Variants in CCT7 observed in about 807,000 individuals in gnomAD.
CCT7 encodes chaperonin containing TCP1 subunit 7.
A neutral mutation model predicts 56.6 loss-of-function variants in CCT7; 16 were observed. The observed-to-expected ratio is 0.28, with a 90% confidence interval of 0.19 to 0.43. The LOEUF (loss-of-function observed/expected upper bound fraction) is 0.43. CCT7 is among the 20% of genes least tolerant of loss of function. The pLI is 1.00. For missense variants in CCT7, 519 were observed against 685.6 expected, an observed-to-expected ratio of 0.76 and a Z score of 2.71; for synonymous variants, 262 against 254.8, an observed-to-expected ratio of 1.03 and a Z score of -0.27.
intron 8 of CCT7, 60 bp downstream of exon 8, chr2:73,249,239 C>A: frequency 7.4e-7 from 1 of 1,357,484 alleles, no homozygotes; most frequent in Non-Finnish European, 1.0e-6. Context: ...TTTTCACTGA[C>A]CCCTGGTATA....
chr2:73,243,960 T>C, intron 4 of CCT7, 37 bp from the exon 5 acceptor site: 1 of 1,605,126 alleles, frequency 6.2e-7, no homozygotes. Context: ...AGTTTGTCTT[T>C]AGCATGAGAG....
At chr2:73,247,991 T>A in intron 7 of CCT7, 65 bp downstream of exon 7, 2 of 1,432,820 alleles carry the variant, frequency 1.4e-6, no homozygotes, top group Non-Finnish European at 2.0e-6. Context: ...GAGCCCTGGG[T>A]CTTCATGGCT....
In CCT7 at chr2:73,252,847, G is replaced by C; in HGVS notation, c.1618G>C (p.Gly540Arg). The C allele has an allele frequency of 6.2e-7, 1 of 1,613,546 alleles. No individual in the cohort carries two copies. The highest frequency in any genetic ancestry group is 1.3e-5 in the African/African-American group (1 of 75,042). ...PTAAGRGRGRGRPH is the reference protein window; with the variant it reads ...PTAAGRGRGRRRPH ...AGCAGCAGGCCGGGGCCGTGGTCGT[G>C]GCCGCCCCCACTGAGAGGCACCCCA... Residue 540 changes from glycine to arginine, a missense_variant, in exon 12 of 12, where the codon GGC becomes CGC. By Grantham distance (125) the Gly-to-Arg change is moderately radical (BLOSUM62 -2). Transcript: ENST00000258091.
At chr2:73,251,473 T>TG in intron 11 of CCT7, 41 bp downstream of exon 11, 18 of 449,628 alleles carry the variant, frequency 4.0e-5, no homozygotes, top group Non-Finnish European at 6.7e-5. Flanking sequence ...TTTGGGCGGG[T>TG]GGGGCTAGAT....
At chr2:73,235,675 C>A in intron 1 of CCT7, 1 of 397,398 alleles carries the variant, frequency 2.5e-6, no homozygotes, top group Non-Finnish European at 3.6e-6. Context: ...CACTTACTAG[C>A]TGTGTGACTT....
At chr2:73,234,419 T>G (rs754792564) in intron 1 of CCT7, 35 bp downstream of exon 1, 108 of 1,612,222 alleles carry the variant, frequency 6.7e-5, no homozygotes, top group Non-Finnish European at 9.2e-5. Context: ...CGCCATCAGC[T>G]GCCATCTGGC....
Position 73,240,461 on chromosome 2 carries a change from G to C in CCT7, c.185G>C (p.Gly62Ala). The change falls in exon 3 of 12, where the codon GGG becomes GCG. Residue 62 changes from glycine to alanine, a missense_variant. Coordinates refer to ENST00000258091, the MANE Select transcript of CCT7 (RefSeq NM_006429.4). ...GGCAAAGCAACAATTTCTAATGATG[G>C]GGCCACAATTCTGAAACTTCTTGAT... ...GRGKATISNDGATILKLLDVV... is the reference protein window; with the variant it reads ...GRGKATISNDAATILKLLDVV... The C allele has an allele frequency of 6.2e-7, 1 of 1,611,558 alleles. No homozygotes were observed. Among genetic ancestry groups the C allele is most frequent in the Non-Finnish European group, 8.5e-7 (1 of 1,178,744 alleles).
rs577700808 is a variant in CCT7 at position 73,234,328 on chromosome 2, C to T, written c.-51C>T. On this transcript the variant is annotated 5_prime_UTR_variant, in exon 1 of 12. Coordinates refer to ENST00000258091, the MANE Select transcript of CCT7 (RefSeq NM_006429.4). ...GAGGCATTGTGGGTTGCTGGGCGGCCCGGTCTCGGAGAAGAGGGGAGAGTG... is the reference window on the plus strand; with the variant it reads ...GAGGCATTGTGGGTTGCTGGGCGGCTCGGTCTCGGAGAAGAGGGGAGAGTG... 2.5e-6 allele frequency: 4 copies of T among 1,612,842 alleles called. No individual in the cohort carries two copies. Among genetic ancestry groups the T allele is most frequent in the South Asian group, 2.2e-5 (2 of 91,058 alleles).
intron 7 of CCT7, 105 bp downstream of exon 7, chr2:73,248,031 CT>C (rs1687419471): frequency 6.1e-6 from 6 of 979,338 alleles, no homozygotes; most frequent in Non-Finnish European, 7.7e-6. Flanking sequence ...TCCTGCCCCC[CT>C]GAATATTGAT....
chr2:73,240,388 AGACAGCATTTAAGAAAG>A, intron 2 of CCT7, 32 bp from the exon 3 acceptor site: 1 of 1,423,734 alleles, frequency 7.0e-7, no homozygotes, highest in Non-Finnish European at 9.9e-7. Flanking sequence ...TCCCACTTGA[AGACAGCATTTAAGAAAG>A]GGGCTTTAGA....
intron 1 of CCT7, 72 bp from the exon 2 acceptor site, chr2:73,239,570 AT>A (rs550366649): frequency 3.6e-6 from 5 of 1,392,492 alleles, no homozygotes; most frequent in Non-Finnish European, 4.0e-6. Context: ...AGATGGGAGC[AT>A]TTTCCCCTTT....
At chr2:73,249,536 G>T (rs1687482510) in intron 8 of CCT7, among the ~76,000 whole-genome samples, 1 of 152,180 alleles carries the variant, frequency 6.6e-6, no homozygotes, top group Non-Finnish European at 1.5e-5. Flanking sequence ...TTCAGTTGCT[G>T]GACCCAGTGC....
Position 73,252,842 on chromosome 2 carries a change from G to A in CCT7, c.1613G>A (p.Gly538Asp), listed in dbSNP as rs763738049. The A allele has an allele frequency of 1.6e-5, 26 of 1,613,676 alleles. No homozygotes were observed. The African/African-American group carries it at 2.8e-4, about 17-fold the overall frequency. Residue 538 changes from glycine to aspartate, a missense_variant, in exon 12 of 12, where the codon GGT (glycine) becomes GAT (aspartate). Transcript: ENST00000258091. ...CCCACAGCAGCAGGCCGGGGCCGTG[G>A]TCGTGGCCGCCCCCACTGAGAGGCA... ...DAPTAAGRGR[G>D]RGRPH is the part of the protein sequence containing the mutation.
Position 73,244,057 on chromosome 2 carries a change from TG to T in CCT7, c.446+9del, listed in dbSNP as rs1289196962. 3 of 1,590,458 alleles carry T rather than the reference TG, an allele frequency of 1.9e-6. No homozygotes were observed. The highest frequency in any genetic ancestry group is 2.6e-6 in the Non-Finnish European group (3 of 1,171,646). On this transcript the variant is annotated intron_variant, in intron 5 of 11. Transcript: ENST00000258091. ...GAAGAAGGCAGATAAAGTGTAAGTC[TG>T]TAGTGGGTTTTTTTTTTTTTTTTTA...
chr2:73,250,269 A>G, intron 9 of CCT7, 37 bp from the exon 10 acceptor site: 1 of 1,612,442 alleles, frequency 6.2e-7, no homozygotes, highest in Non-Finnish European at 8.5e-7. Flanking sequence ...GGTGGCAGAC[A>G]AGAGTTCATG....
chr2:73,251,095 C>T (rs1274161940), intron 10 of CCT7, 131 bp from the exon 11 acceptor site: 5 of 761,314 alleles, frequency 6.6e-6, no homozygotes, highest in South Asian at 5.0e-5. Context: ...TGTGTCTGGG[C>T]GTTTGGGGCT....
At chr2:73,241,339 G>C (rs7594590) in intron 3 of CCT7, among the ~76,000 whole-genome samples, 1 of 151,842 alleles carries the variant, frequency 6.6e-6, no homozygotes, top group Admixed American at 6.6e-5. Flanking sequence ...TGTCTTCAAC[G>C]AGGGAATAAT....
At position 73,250,455 on chromosome 2, in the gene CCT7, C is replaced by T. The variant is rs745346030; in HGVS notation, c.1203+17C>T. 4.3e-6 allele frequency: 7 copies of T among 1,613,198 alleles called. No individual in the cohort carries two copies. The highest frequency in any genetic ancestry group is 2.2e-5 in the East Asian group (1 of 44,868). On this transcript the variant is annotated intron_variant, in intron 10 of 11. Transcript: ENST00000258091. ...GCCATCAAGGTACTGGGCTGATATC[C>T]TCCTGCTTGCACAGCCTACTCTCTC...
intron 2 of CCT7, 82 bp downstream of exon 2, chr2:73,239,878 C>G: frequency 8.3e-7 from 1 of 1,202,112 alleles, no homozygotes; most frequent in Non-Finnish European, 1.2e-6. Flanking sequence ...AGGTTGGTAT[C>G]AGAAATCCCA....
Sources: allele counts gnomAD v4.1 joint callset (sites outside exome capture counted in the v4.1 genomes callset), GRCh38; gene constraint gnomAD v4.1.1; transcripts MANE v1.5; gene names NCBI Gene and HGNC (gene_info 2026-07-23, HGNC 2026-07-21).